DLGAP2: variants seen among roughly 807,000 people sequenced by gnomAD.
DLGAP2 encodes the protein disks large-associated protein 2.
Under a neutral mutation model 100.3 loss-of-function variants are expected in DLGAP2, and 26 were observed. The observed-to-expected ratio is 0.26, with a 90% CI of 0.19 to 0.36. The LOEUF (loss-of-function observed/expected upper bound fraction) is 0.36, where lower values mean the gene tolerates loss of function less well. Among genes scored for constraint, DLGAP2 ranks in the 10% least tolerant of loss-of-function variants. The pLI is 1.00. For synonymous variants in DLGAP2, 886 were observed against 630.1 expected (o/e 1.41, Z -6.08); for missense variants, 1,858 against 1,453.2 (o/e 1.28, Z -4.53).
intron 3 of DLGAP2, among the ~76,000 whole-genome samples, chr8:1,374,276 A>T (rs1802336775): frequency 6.6e-6 from 1 of 152,102 alleles, no homozygotes. Flanking sequence ...AGGTTTACAG[A>T]AGGCTGTGTG....
intron 2 of DLGAP2, among the ~76,000 whole-genome samples, chr8:1,127,233 C>A (rs912283302): frequency 1.1e-4 from 16 of 151,504 alleles, no homozygotes; most frequent in African/African-American, 3.9e-4. Flanking sequence ...TGTGGCCACA[C>A]TTTGAGGAAT....
At chr8:881,027 A>G (rs1282663049) in intron 1 of DLGAP2, among the ~76,000 whole-genome samples, 1 of 152,246 alleles carries the variant, frequency 6.6e-6, no homozygotes. Flanking sequence ...TGGCTTATAT[A>G]TAAGTGAGTA....
chr8:811,415 T>C (rs1329118269), intron 1 of DLGAP2, among the ~76,000 whole-genome samples: 2 of 147,302 alleles, frequency 1.4e-5, no homozygotes, highest in African/African-American at 5.1e-5. Context: ...CCTGCCGTGG[T>C]GAGAGGCCAC....
At chr8:1,026,585 C>A (rs771310715) in intron 2 of DLGAP2, among the ~76,000 whole-genome samples, 1 of 152,192 alleles carries the variant, frequency 6.6e-6, no homozygotes, top group Admixed American at 6.5e-5. Flanking sequence ...TAATTTGTCA[C>A]TGCATTAATG....
At chr8:1,669,836 C>G in intron 10 of DLGAP2, 52 bp downstream of exon 10, 2 of 780,894 alleles carry the variant, frequency 2.6e-6, no homozygotes, top group South Asian at 1.3e-5. Context: ...TTCATTTTCT[C>G]TCCCTTTTTT....
chr8:1,116,811 G>T (rs1032507520), intron 2 of DLGAP2, among the ~76,000 whole-genome samples: 23 of 149,878 alleles, frequency 1.5e-4, no homozygotes, highest in African/African-American at 5.6e-4. Flanking sequence ...AAAAAAAAGA[G>T]AAAAAAAAAG....
intron 3 of DLGAP2, among the ~76,000 whole-genome samples, chr8:1,303,925 C>G (rs1046461323): frequency 6.6e-6 from 1 of 152,144 alleles, no homozygotes; most frequent in African/African-American, 2.4e-5. Context: ...TCACCTCCCT[C>G]GTAAATGGAG....
At chr8:897,952 C>G (rs1798177054) in intron 1 of DLGAP2, among the ~76,000 whole-genome samples, 1 of 152,148 alleles carries the variant, frequency 6.6e-6, no homozygotes, top group African/African-American at 2.4e-5. Context: ...TGTCTCAGTG[C>G]CTGTGGTGAC....
chr8:817,251 T>C (rs1796499477), intron 1 of DLGAP2, among the ~76,000 whole-genome samples: 1 of 152,220 alleles, frequency 6.6e-6, no homozygotes, highest in African/African-American at 2.4e-5. Context: ...TGTTCTATTC[T>C]ATTGCTGAGA....
intron 1 of DLGAP2, among the ~76,000 whole-genome samples, chr8:888,904 C>G (rs559615332): frequency 1.2e-4 from 19 of 152,118 alleles, no homozygotes; most frequent in Non-Finnish European, 2.2e-4. Context: ...AAGAGACCAC[C>G]AAACAGGTTT....
In DLGAP2 at chr8:1,682,629, A is replaced by G; in HGVS notation, c.2704+4000A>G. On this transcript the variant is annotated intron_variant, in intron 12 of 14. Transcript: ENST00000637795. ...AGCTGGGACTACAGACACGCACCAC[A>G]GCACCTGGCTAATTTTGTATTTTTA... 1.4e-5 allele frequency among the ~76,000 whole-genome samples: 2 copies of G among 147,894 alleles called. 1 individual carries two copies. Among genetic ancestry groups the G allele is most frequent in the Non-Finnish European group, 3.1e-5 (2 of 65,180 alleles).
intron 3 of DLGAP2, among the ~76,000 whole-genome samples, chr8:1,419,734 A>T (rs1352114634): frequency 1.3e-5 from 2 of 152,176 alleles, no homozygotes; most frequent in Non-Finnish European, 2.9e-5. Context: ...AAGGATGTGG[A>T]GAAGGGAATT....
intron 2 of DLGAP2, among the ~76,000 whole-genome samples, chr8:1,236,367 C>T (rs1193469698): frequency 3.9e-5 from 2 of 51,878 alleles, no homozygotes; most frequent in East Asian, 7.0e-4. Flanking sequence ...CCCATGGCGC[C>T]GTGTCTAGTT....
chr8:1,038,861 C>A (rs1268856079), intron 2 of DLGAP2, among the ~76,000 whole-genome samples: 1 of 152,130 alleles, frequency 6.6e-6, no homozygotes, highest in Non-Finnish European at 1.5e-5. Flanking sequence ...GTGTGAGGAA[C>A]CTCATTGAGA....
intron 4 of DLGAP2, among the ~76,000 whole-genome samples, chr8:1,536,668 G>C (rs1201849177): frequency 6.6e-6 from 1 of 152,154 alleles, no homozygotes; most frequent in Non-Finnish European, 1.5e-5. Flanking sequence ...CCTGTCCTCA[G>C]GTGCAGTCAG....
rs566156510 is a variant in DLGAP2, at chr8:1,549,570, A to G, written c.1117A>G (p.Thr373Ala). The G allele has an allele frequency of 1.2e-6, 2 of 1,612,888 alleles. No individual in the cohort carries two copies. Among genetic ancestry groups the G allele is most frequent in the Admixed American group, 1.7e-5 (1 of 60,002 alleles). Residue 373 changes from threonine (T) to alanine (A), a missense_variant, in exon 5 of 15, where the codon ACG becomes GCG. Thr to Ala is a moderately conservative substitution (Grantham distance 58). Transcript: ENST00000637795. ...GTACCTGAAGCGCAGCTCCTGGTCTACGCTGACGGTCAGCCAGGCCAAGGA... is the reference window on the plus strand; with the variant it reads ...GTACCTGAAGCGCAGCTCCTGGTCTGCGCTGACGGTCAGCCAGGCCAAGGA... The part of the protein sequence containing the change: ...AKYLKRSSWS[T>A]LTVSQAKEAY...
chr8:1,385,273 A>G (rs1796192517), intron 3 of DLGAP2, among the ~76,000 whole-genome samples: 1 of 58,258 alleles, frequency 1.7e-5, no homozygotes, highest in African/African-American at 6.4e-5. Flanking sequence ...CCGTCCCCTG[A>G]GAACTTGGTG....
intron 3 of DLGAP2, among the ~76,000 whole-genome samples, chr8:1,472,631 G>C (rs1798833456): frequency 6.6e-6 from 1 of 152,166 alleles, no homozygotes; most frequent in African/African-American, 2.4e-5. Flanking sequence ...AAGATATACA[G>C]GTTCAGAATC....
intron 3 of DLGAP2, among the ~76,000 whole-genome samples, chr8:1,269,869 A>G (rs1799543967): frequency 6.6e-6 from 1 of 152,178 alleles, no homozygotes; most frequent in Admixed American, 6.5e-5. Context: ...CAAAAAGGGA[A>G]ACTCGCTGAG....
Sources: allele counts gnomAD v4.1 joint callset (sites outside exome capture counted in the v4.1 genomes callset), GRCh38; gene constraint gnomAD v4.1.1; transcripts MANE v1.5; gene names NCBI Gene and HGNC (gene_info 2026-07-23, HGNC 2026-07-21).